Variants in CBFA2T3 observed in about 807,000 individuals in gnomAD.
CBFA2T3 encodes the protein transcriptional corepressor CBFA2T3.
In CBFA2T3, 31 loss-of-function variants were observed where a neutral mutation model predicts 58.6. The observed-to-expected ratio is 0.53, with a 90% CI of 0.40 to 0.71. The LOEUF (loss-of-function observed/expected upper bound fraction) is 0.71, where lower values mean the gene tolerates loss of function less well. CBFA2T3 is among the 30% of genes least tolerant of loss of function. CBFA2T3 has a pLI of 0.00. For missense variants in CBFA2T3, 1,076 were observed against 963.1 expected (o/e 1.12, Z -1.55); for synonymous variants, 531 against 421.9 (o/e 1.26, Z -3.17).
At position 88,876,514 on chromosome 16, in the gene CBFA2T3, C is replaced by T; in HGVS notation, c.*462G>A. The T allele has an allele frequency of 4.2e-6, 1 of 235,354 alleles. No individual in the cohort carries two copies. The highest frequency in any genetic ancestry group is 8.4e-6 in the Non-Finnish European group (1 of 119,758). 14.6% of individuals were successfully genotyped at this position (235,354 alleles called of 1,614,324 possible). A position where few individuals can be genotyped will look rare whatever the true frequency, so the allele number is the denominator to read the frequency against. On this transcript the variant is annotated 3_prime_UTR_variant, in exon 12 of 12. Transcript: ENST00000268679. ...AGCTCTTTTGCCAACACACAAAACC[C>T]CCCAAAATTCTTTGCTGAAAATATA...
At position 88,892,236 on chromosome 16, in the gene CBFA2T3, C is replaced by A; in HGVS notation, c.621+8G>T. 6.2e-7 allele frequency: 1 copy of A among 1,605,440 alleles called. No homozygotes were observed. On this transcript the variant is annotated splice_region_variant and intron_variant, in intron 4 of 11. Coordinates refer to ENST00000268679, the MANE Select transcript of CBFA2T3 (RefSeq NM_005187.6). ...TCCCAAGGCCCCGGCTGTCCCTGCC[C>A]AACTCACCACCAGGCCCAGCACCAG...
At chr16:88,951,676 G>A (rs889642671) in intron 1 of CBFA2T3, among the ~76,000 whole-genome samples, 9 of 151,900 alleles carry the variant, frequency 5.9e-5, no homozygotes, top group South Asian at 2.1e-4. Flanking sequence ...AGGCAGCCGC[G>A]GCCCCAGCGA....
intron 1 of CBFA2T3, among the ~76,000 whole-genome samples, chr16:88,915,114 G>A (rs1970650452): frequency 2.0e-5 from 3 of 150,636 alleles, no homozygotes; most frequent in Non-Finnish European, 3.0e-5. Flanking sequence ...ATGCCCCCAA[G>A]CCACCAAGGG....
intron 1 of CBFA2T3, among the ~76,000 whole-genome samples, chr16:88,934,799 G>A (rs1971442777): frequency 6.6e-6 from 1 of 152,220 alleles, no homozygotes; most frequent in African/African-American, 2.4e-5. Flanking sequence ...GAGTGCAGTG[G>A]CGCGATCTCG....
chr16:88,947,771 G>A (rs1971942261), intron 1 of CBFA2T3, among the ~76,000 whole-genome samples: 1 of 152,076 alleles, frequency 6.6e-6, no homozygotes, highest in Admixed American at 6.6e-5. Context: ...AAAGTTAGCC[G>A]GGTGTGGTGG....
chr16:88,881,140 C>T lies in CBFA2T3; in HGVS notation c.1402+151G>A, dbSNP rs1417246865. The T allele has an allele frequency of 2.8e-5, 22 of 788,648 alleles. No individual in the cohort carries two copies. In the East Asian group the frequency reaches 3.4e-4, roughly 12 times the overall value. The allele number at this position is 788,648 out of a possible 1,614,324, so 48.9% of individuals were successfully genotyped here. ...CTCCAGGCTTCCTGGCAGACCAGCC[C>T]GTGTTTTCCTACAAAGTGAAAAAGG... On this transcript the variant is annotated intron_variant, in intron 9 of 11. Transcript: ENST00000268679.
At chr16:88,890,390 C>T (rs1969582143) in intron 5 of CBFA2T3, among the ~76,000 whole-genome samples, 1 of 152,212 alleles carries the variant, frequency 6.6e-6, no homozygotes, top group Admixed American at 6.5e-5. Context: ...TCCTCTGGAC[C>T]CCCGAGGGGA....
intron 1 of CBFA2T3, among the ~76,000 whole-genome samples, chr16:88,917,126 G>T (rs1306129289): frequency 6.6e-6 from 1 of 152,060 alleles, no homozygotes; most frequent in Non-Finnish European, 1.5e-5. Flanking sequence ...GAGAAGAACT[G>T]GTGGAATCTG....
Position 88,961,803 on chromosome 16 carries a change from G to T in CBFA2T3, c.151+14854C>A, listed in dbSNP as rs1244254224. ...CACTGCATAGTAACCGACACTCAGC[G>T]CTGGGCATTCCCACTGCATAGTAAC... On this transcript the variant is annotated intron_variant, in intron 1 of 11. Coordinates refer to ENST00000268679, the MANE Select transcript of CBFA2T3 (RefSeq NM_005187.6). 1.2e-4 allele frequency among the ~76,000 whole-genome samples: 12 copies of T among 102,692 alleles called. No homozygotes were observed. The East Asian group carries it at 3.5e-3, about 30-fold the overall frequency. 67.4% of individuals were successfully genotyped at this position (102,692 alleles called of 152,430 possible).
rs117572341 is a variant in CBFA2T3, at chr16:88,975,446, G to A, written c.151+1211C>T. ...CGCCGGTGAGAACCTGCTCTCACGC[G>A]GGGAGCAGGTCGGAAGGGTCTGAAC... is the stretch of plus-strand genomic sequence containing the variant. On this transcript the variant is annotated intron_variant, in intron 1 of 11. Transcript: ENST00000268679. 4.1e-3 allele frequency among the ~76,000 whole-genome samples: 627 copies of A among 152,344 alleles called. 10 individuals carry two copies. In the East Asian group the frequency reaches 0.045, roughly 11 times the overall value.
At chr16:88,937,059 C>G (rs552533297) in intron 1 of CBFA2T3, 5 of 152,384 alleles carry the variant, frequency 3.3e-5, no homozygotes, top group Admixed American at 6.5e-5. Flanking sequence ...TTGCTCTCGG[C>G]TAAGGCGGCC....
At chr16:88,927,045 A>G (rs1292212026) in intron 1 of CBFA2T3, among the ~76,000 whole-genome samples, 1 of 152,124 alleles carries the variant, frequency 6.6e-6, no homozygotes. Context: ...TCCCTTTACC[A>G]GAGAAGCCAG....
At chr16:88,919,142 A>G (rs914996911) in intron 1 of CBFA2T3, among the ~76,000 whole-genome samples, 1 of 152,138 alleles carries the variant, frequency 6.6e-6, no homozygotes, top group Non-Finnish European at 1.5e-5. Flanking sequence ...CTTTCTCAGC[A>G]TTCCACAAAT....
In CBFA2T3 at chr16:88,956,266, G is replaced by A. The variant is rs546595727; in HGVS notation, c.151+20391C>T. ...GTTTATCACGCGTGTGACGGAGGGCGAAGACCTGCATCACGGGAGAACCCC... is the reference window on the plus strand; with the variant it reads ...GTTTATCACGCGTGTGACGGAGGGCAAAGACCTGCATCACGGGAGAACCCC... On this transcript the variant is annotated intron_variant, in intron 1 of 11. Coordinates refer to ENST00000268679, the MANE Select transcript of CBFA2T3 (RefSeq NM_005187.6). Among the ~76,000 whole-genome samples, 106 of 152,396 alleles carry A rather than the reference G, an allele frequency of 7.0e-4. 1 individual carries two copies. The highest frequency in any genetic ancestry group is 2.5e-3 in the African/African-American group (104 of 41,598).
chr16:88,929,944 G>A (rs1216863394), intron 1 of CBFA2T3, among the ~76,000 whole-genome samples: 1 of 147,666 alleles, frequency 6.8e-6, no homozygotes, highest in East Asian at 2.0e-4. Context: ...ACCCACAGCT[G>A]CATGGTCCAC....
intron 1 of CBFA2T3, among the ~76,000 whole-genome samples, chr16:88,918,190 T>G (rs746953067): frequency 7.2e-5 from 11 of 152,312 alleles, no homozygotes; most frequent in Admixed American, 1.3e-4. Flanking sequence ...GTGGCTTTTC[T>G]TTCTCACCCC....
intron 1 of CBFA2T3, among the ~76,000 whole-genome samples, chr16:88,952,245 C>T (rs1259480928): frequency 1.3e-5 from 2 of 152,226 alleles, no homozygotes; most frequent in African/African-American, 4.8e-5. Flanking sequence ...ACAAAGCCGT[C>T]TATCATTGCT....
In CBFA2T3 at chr16:88,953,153, T is replaced by G. The variant is rs1290965325; in HGVS notation, c.151+23504A>C. ...CCCAGCGATGACAGAGGAGGAGGAA[T>G]GAGGAGTGCCGTGCCTGGGCTGGGC... On this transcript the variant is annotated intron_variant, in intron 1 of 11. Transcript: ENST00000268679. This position sits in a 1 kb window ranked among gnomAD's most constrained non-coding sequence, Gnocchi z 4.9. 2.0e-5 allele frequency among the ~76,000 whole-genome samples: 3 copies of G among 152,084 alleles called. No individual in the cohort carries two copies. The highest frequency in any genetic ancestry group is 7.2e-5 in the African/African-American group (3 of 41,406).
chr16:88,933,805 C>G (rs947680746), intron 1 of CBFA2T3, among the ~76,000 whole-genome samples: 4 of 152,310 alleles, frequency 2.6e-5, no homozygotes, highest in African/African-American at 9.6e-5. Flanking sequence ...ATAGTGGCCA[C>G]TTCATGCCAC....
Sources: allele counts gnomAD v4.1 joint callset (sites outside exome capture counted in the v4.1 genomes callset), GRCh38; gene constraint gnomAD v4.1.1; non-coding constraint Gnocchi (gnomAD v3.1); transcripts MANE v1.5; gene names NCBI Gene and HGNC (gene_info 2026-07-23, HGNC 2026-07-21).